RAD51B: variants seen among roughly 807,000 people sequenced by gnomAD.
RAD51B encodes the protein DNA repair protein RAD51 homolog 2.
A neutral mutation model predicts 42.2 loss-of-function variants in RAD51B; 38 were observed. The ratio of observed to expected loss-of-function variants is 0.90; its 90% CI spans 0.70 to 1.18. The LOEUF is 1.18. Among genes scored for constraint, RAD51B ranks in the 50% most tolerant of loss-of-function variants. The pLI, the probability that RAD51B is intolerant of heterozygous loss-of-function variation, is 0.00. For synonymous variants in RAD51B, 154 were observed against 145.2 expected (o/e 1.06, Z -0.43); for missense variants, 373 against 400.7 (o/e 0.93, Z 0.59).
At chr14:68,675,914 T>G (rs1336743430) in intron 11 of RAD51B, among the ~76,000 whole-genome samples, 1 of 152,298 alleles carries the variant, frequency 6.6e-6, no homozygotes, top group East Asian at 1.9e-4. Flanking sequence ...CTGTGAGCCT[T>G]GGAGTGCTTA....
chr14:68,133,616 C>T (rs533642148), intron 7 of RAD51B, among the ~76,000 whole-genome samples: 1 of 152,132 alleles, frequency 6.6e-6, no homozygotes, highest in Admixed American at 6.5e-5. Flanking sequence ...GGACTACAGG[C>T]GCACACCACC....
chr14:68,071,143 T>C (rs1000063754), intron 7 of RAD51B, among the ~76,000 whole-genome samples: 1 of 152,144 alleles, frequency 6.6e-6, no homozygotes, highest in Admixed American at 6.6e-5. Flanking sequence ...GCCGAAGTTA[T>C]TTATCAGATC....
intron 5 of RAD51B, among the ~76,000 whole-genome samples, chr14:67,871,595 G>A (rs2042534141): frequency 6.6e-6 from 1 of 152,106 alleles, no homozygotes; most frequent in Admixed American, 6.5e-5. Context: ...TATGAGGCCA[G>A]CATCATCCTG....
intron 10 of RAD51B, among the ~76,000 whole-genome samples, chr14:68,536,301 T>C (rs966913631): frequency 6.6e-6 from 1 of 152,234 alleles, no homozygotes; most frequent in Non-Finnish European, 1.5e-5. Flanking sequence ...TAGATTGTTA[T>C]TAGGAAAGGG....
At chr14:68,406,759 CT>C (rs1273468384) in intron 8 of RAD51B, among the ~76,000 whole-genome samples, 4 of 152,190 alleles carry the variant, frequency 2.6e-5, no homozygotes, top group Non-Finnish European at 5.9e-5. Context: ...AATAACATAA[CT>C]GAAAATACAA....
chr14:68,127,949 T>TC (rs1202243368), intron 7 of RAD51B, among the ~76,000 whole-genome samples: 1 of 152,218 alleles, frequency 6.6e-6, no homozygotes, highest in Non-Finnish European at 1.5e-5. Flanking sequence ...ATGCTGAGGT[T>TC]CCTAGCATAG....
intron 7 of RAD51B, among the ~76,000 whole-genome samples, chr14:68,171,455 A>G (rs1230593250): frequency 1.3e-5 from 2 of 151,612 alleles, no homozygotes; most frequent in Non-Finnish European, 2.9e-5. Context: ...GCCCACCACC[A>G]CACCCAGCTA....
intron 10 of RAD51B, among the ~76,000 whole-genome samples, chr14:68,548,958 C>A (rs1322953229): frequency 2.0e-5 from 3 of 152,188 alleles, no homozygotes; most frequent in African/African-American, 7.2e-5. Flanking sequence ...CCTCCCACCC[C>A]TTTGTTGAAT....
chr14:67,953,205 G>A (rs1370290459), intron 7 of RAD51B, among the ~76,000 whole-genome samples: 1 of 152,160 alleles, frequency 6.6e-6, no homozygotes, highest in Non-Finnish European at 1.5e-5. Context: ...CATGAAGGAA[G>A]TAGATGTGAA....
chr14:68,241,069 A>G (rs17105241), intron 7 of RAD51B, among the ~76,000 whole-genome samples: 2,993 of 152,258 alleles, frequency 0.02, 105 homozygotes, highest in African/African-American at 0.069. Flanking sequence ...GGCCTAGTCT[A>G]TGACTTTTTC....
At chr14:68,654,960 G>T (rs1046791420) in intron 11 of RAD51B, among the ~76,000 whole-genome samples, 1 of 152,100 alleles carries the variant, frequency 6.6e-6, no homozygotes, top group Non-Finnish European at 1.5e-5. Context: ...GCCTTCCCAG[G>T]TAAGTTAGAG....
chr14:68,043,738 G>A (rs1375027959), intron 7 of RAD51B, among the ~76,000 whole-genome samples: 2 of 152,192 alleles, frequency 1.3e-5, no homozygotes, highest in African/African-American at 4.8e-5. Context: ...TGATAAGTAA[G>A]TAGGGAGAGT....
chr14:68,146,676 G>C (rs2078256638), intron 7 of RAD51B, among the ~76,000 whole-genome samples: 1 of 152,160 alleles, frequency 6.6e-6, no homozygotes. Flanking sequence ...ACACGTAGTG[G>C]ATCCTTCATA....
Position 68,166,627 on chromosome 14 carries a change from A to C in RAD51B, c.757-125257A>C, listed in dbSNP as rs147469824. On this transcript the variant is annotated intron_variant, in intron 7 of 10. Transcript: ENST00000471583. The stretch of plus-strand genomic sequence containing the variant: ...GTAGGCTAAACTAACGTAGTAGGGA[A>C]GAGAGTGTAAGAAAAGTGCTGTTGA... Among the ~76,000 whole-genome samples the C allele has an allele frequency of 5.6e-3, 848 of 152,302 alleles. 2 individuals are homozygous for C. The highest frequency in any genetic ancestry group is 0.019 in the African/African-American group (775 of 41,570).
chr14:68,290,807 T>G (rs1430697751), intron 7 of RAD51B, among the ~76,000 whole-genome samples: 4 of 151,608 alleles, frequency 2.6e-5, no homozygotes, highest in African/African-American at 9.7e-5. Context: ...TTTATTTATT[T>G]ATTTATTTAT....
At chr14:68,288,327 A>G (rs770773322) in intron 7 of RAD51B, among the ~76,000 whole-genome samples, 5 of 152,254 alleles carry the variant, frequency 3.3e-5, no homozygotes, top group Non-Finnish European at 5.9e-5. Flanking sequence ...GTAAGATGGC[A>G]TGATTAGCAA....
At chr14:68,452,586 C>G (rs1283165799) in intron 9 of RAD51B, among the ~76,000 whole-genome samples, 1 of 152,152 alleles carries the variant, frequency 6.6e-6, no homozygotes, top group African/African-American at 2.4e-5. Context: ...CACATAGGCA[C>G]TCTCACATGG....
intron 10 of RAD51B, among the ~76,000 whole-genome samples, chr14:68,566,720 A>T (rs571873669): frequency 6.6e-5 from 10 of 152,062 alleles, no homozygotes; most frequent in Non-Finnish European, 1.2e-4. Context: ...AGTCTCATCA[A>T]ATCCCACTTT....
At chr14:68,658,705 C>T (rs1002519758) in intron 11 of RAD51B, among the ~76,000 whole-genome samples, 1 of 152,218 alleles carries the variant, frequency 6.6e-6, no homozygotes. Context: ...CCCCACACCC[C>T]ACCAGATCAT....
Sources: gnomAD v4.1 joint callset for allele counts (sites outside exome capture counted in the v4.1 genomes callset) on GRCh38, gnomAD v4.1.1 for gene constraint, MANE v1.5 for transcripts, NCBI Gene and HGNC (gene_info 2026-07-23, HGNC 2026-07-21) for gene names.